The following SAMD12 variants were observed in gnomAD, a reference collection of about 807,000 sequenced individuals.
SAMD12 encodes the protein sterile alpha motif domain containing 12, also known as sterile alpha motif domain-containing protein 12.
A neutral mutation model predicts 15.0 loss-of-function variants in SAMD12; 9 were observed. The ratio of observed to expected loss-of-function variants is 0.60; its 90% CI spans 0.36 to 1.05. The LOEUF is 1.05. Among genes scored for constraint, SAMD12 ranks in the 50% least tolerant of loss-of-function variants. The pLI is 0.01. For missense variants in SAMD12, 230 were observed against 234.2 expected, an observed-to-expected ratio of 0.98 and a Z score of 0.12; for synonymous variants, 86 against 90.1, an observed-to-expected ratio of 0.96 and a Z score of 0.25.
intron 2 of SAMD12, among the ~76,000 whole-genome samples, chr8:118,449,542 T>G (rs1486864455): frequency 1.3e-5 from 2 of 150,556 alleles, no homozygotes; most frequent in African/African-American, 4.9e-5. Flanking sequence ...CCGGGCGTGG[T>G]GGCTCACACC....
intron 2 of SAMD12, among the ~76,000 whole-genome samples, chr8:118,536,314 T>C (rs1267311823): frequency 1.3e-5 from 2 of 152,152 alleles, no homozygotes; most frequent in African/African-American, 4.8e-5. Flanking sequence ...TCTCCCTACC[T>C]GTAGATTTTA....
chr8:118,153,363 A>G, the SAMD12 span, among the ~76,000 whole-genome samples: 1 of 119,464 alleles, frequency 8.4e-6, no homozygotes, highest in African/African-American at 2.9e-5. Flanking sequence ...TGCTCATGTC[A>G]AACCTACTAG....
chr8:118,414,087 GTTA>G (rs1185144759), intron 3 of SAMD12, among the ~76,000 whole-genome samples: 1 of 151,902 alleles, frequency 6.6e-6, no homozygotes, highest in Non-Finnish European at 1.5e-5. Context: ...GATTTTGCAA[GTTA>G]TTAATAAACT....
At chr8:118,614,156 A>C (rs916771548) in intron 1 of SAMD12, among the ~76,000 whole-genome samples, 1 of 152,240 alleles carries the variant, frequency 6.6e-6, no homozygotes. Flanking sequence ...AGATGCTTTC[A>C]TAAGTATGGC....
chr8:118,448,242 C>T (rs1240849706), intron 2 of SAMD12, among the ~76,000 whole-genome samples: 1 of 152,122 alleles, frequency 6.6e-6, no homozygotes, highest in East Asian at 1.9e-4. Context: ...TCCTGATCTC[C>T]CTGTTTAAAA....
chr8:118,509,616 A>G (rs915664939), intron 2 of SAMD12, among the ~76,000 whole-genome samples: 5 of 152,222 alleles, frequency 3.3e-5, no homozygotes, highest in African/African-American at 7.2e-5. Flanking sequence ...CTCAAAATGT[A>G]GCATCACACA....
intron 2 of SAMD12, among the ~76,000 whole-genome samples, chr8:118,524,580 G>A (rs772958830): frequency 4.6e-5 from 7 of 152,002 alleles, no homozygotes; most frequent in Admixed American, 1.3e-4. Flanking sequence ...ATATACCTGC[G>A]GCCTGGACTT....
chr8:118,500,045 G>C (rs1057374920), intron 2 of SAMD12, among the ~76,000 whole-genome samples: 1 of 142,210 alleles, frequency 7.0e-6, no homozygotes, highest in African/African-American at 2.6e-5. Context: ...TGCTCCCCAG[G>C]ATACACGCCC....
the SAMD12 span, among the ~76,000 whole-genome samples, chr8:118,153,140 C>A: frequency 1.3e-5 from 2 of 152,218 alleles, no homozygotes; most frequent in African/African-American, 4.8e-5. Flanking sequence ...AAACATCCCA[C>A]AACTCAGTGC....
the SAMD12 span, among the ~76,000 whole-genome samples, chr8:118,173,376 G>A: frequency 6.6e-6 from 1 of 152,020 alleles, no homozygotes; most frequent in Admixed American, 6.6e-5. Flanking sequence ...AGAGGCACTT[G>A]CCTTAAGGGA....
At chr8:118,404,098 T>C (rs1033708225) in intron 3 of SAMD12, among the ~76,000 whole-genome samples, 1 of 152,160 alleles carries the variant, frequency 6.6e-6, no homozygotes, top group African/African-American at 2.4e-5. Context: ...TCCTTCCATC[T>C]CAACCTCCCA....
At chr8:118,546,139 G>A (rs1013047944) in intron 2 of SAMD12, among the ~76,000 whole-genome samples, 11 of 152,166 alleles carry the variant, frequency 7.2e-5, no homozygotes, top group Admixed American at 1.3e-4. Context: ...CAGGTGTGAT[G>A]AGAAGAAAAG....
chr8:118,561,499 G>A (rs1826699665), intron 2 of SAMD12, among the ~76,000 whole-genome samples: 1 of 152,170 alleles, frequency 6.6e-6, no homozygotes, highest in Non-Finnish European at 1.5e-5. Context: ...ATTCAGCATG[G>A]CTGGGGAGGC....
At chr8:118,279,881 A>T (rs1813569724) in intron 4 of SAMD12, among the ~76,000 whole-genome samples, 1 of 152,192 alleles carries the variant, frequency 6.6e-6, no homozygotes, top group South Asian at 2.1e-4. Context: ...TTTACTGAAG[A>T]GGTAGTTGGT....
At chr8:118,508,520 T>C (rs986644678) in intron 2 of SAMD12, among the ~76,000 whole-genome samples, 3 of 152,246 alleles carry the variant, frequency 2.0e-5, no homozygotes, top group African/African-American at 7.2e-5. Flanking sequence ...AAGTTGTTAA[T>C]GTCATTTCAA....
At chr8:118,344,862 A>T (rs943991759) in intron 4 of SAMD12, among the ~76,000 whole-genome samples, 2 of 152,232 alleles carry the variant, frequency 1.3e-5, no homozygotes, top group African/African-American at 4.8e-5. Context: ...GTCCCATAAG[A>T]TTATGATGGA....
At chr8:118,196,673 G>A (rs1230169949) in exon 5 of SAMD12, 1 of 152,124 alleles carries the variant, frequency 6.6e-6, no homozygotes, top group Non-Finnish European at 1.5e-5. Context: ...AGAGAATGGC[G>A]ATTTCAACTT....
intron 2 of SAMD12, among the ~76,000 whole-genome samples, chr8:118,540,554 A>G (rs1825960660): frequency 1.3e-5 from 2 of 152,198 alleles, no homozygotes; most frequent in Admixed American, 1.3e-4. Flanking sequence ...GTCAAGGTTG[A>G]TGGAAAGTTA....
intron 1 of SAMD12, among the ~76,000 whole-genome samples, chr8:118,612,274 T>C (rs748592410): frequency 6.6e-6 from 1 of 152,202 alleles, no homozygotes; most frequent in Non-Finnish European, 1.5e-5. Context: ...CTGTCCTCCT[T>C]ATCTGATTGT....
Sources: allele counts gnomAD v4.1 joint callset (sites outside exome capture counted in the v4.1 genomes callset), GRCh38; gene constraint gnomAD v4.1.1; transcripts MANE v1.5; gene names NCBI Gene and HGNC (gene_info 2026-07-23, HGNC 2026-07-21).